Variants in RGS6 observed in about 807,000 individuals in gnomAD.
RGS6 encodes the protein regulator of G-protein signaling 6.
Under a neutral mutation model 78.5 loss-of-function variants are expected in RGS6, and 30 were observed. That is an observed-to-expected ratio of 0.38 (90% CI 0.29 to 0.52). The LOEUF is 0.52. Ranked by LOEUF, RGS6 falls within the 20% of genes least tolerant of loss-of-function variation. The pLI is 0.85. For synonymous variants in RGS6, 206 were observed against 206.0 expected (o/e 1.00, Z 0.00); for missense variants, 495 against 609.7 (o/e 0.81, Z 1.98).
At chr14:72,219,209 C>T (rs891346298) in intron 2 of RGS6, among the ~76,000 whole-genome samples, 3 of 152,020 alleles carry the variant, frequency 2.0e-5, no homozygotes, top group Admixed American at 2.0e-4. Flanking sequence ...TGGGAACATG[C>T]ATGCTGGGTG....
Position 72,342,772 on chromosome 14 carries a change from G to A in RGS6, c.85-9323G>A, listed in dbSNP as rs932827134. 2.9e-5 allele frequency among the ~76,000 whole-genome samples: 4 copies of A among 140,348 alleles called. No homozygotes were observed. The South Asian group carries it at 9.8e-4, about 34-fold the overall frequency. The allele number at this position is 140,348 out of a possible 152,430, so 92.1% of individuals were successfully genotyped here. A position where few individuals can be genotyped will look rare whatever the true frequency, so the allele number is the denominator to read the frequency against. On this transcript the variant is annotated intron_variant, in intron 2 of 17. Transcript: ENST00000553525. ...AAAAGTTCCCAGAAATAACCTCTAAGCCACCCATCTAATTGGTCCCAGAGA... is the reference window on the plus strand; with the variant it reads ...AAAAGTTCCCAGAAATAACCTCTAAACCACCCATCTAATTGGTCCCAGAGA...
At chr14:72,041,279 C>T (rs142844045) in intron 2 of RGS6, among the ~76,000 whole-genome samples, 6 of 152,160 alleles carry the variant, frequency 3.9e-5, no homozygotes, top group Middle Eastern at 3.4e-3. Context: ...AGGGTCTCTG[C>T]GACCTTCTCT....
intron 2 of RGS6, among the ~76,000 whole-genome samples, chr14:71,984,377 G>T (rs1211622486): frequency 6.6e-6 from 1 of 150,482 alleles, no homozygotes; most frequent in Non-Finnish European, 1.5e-5. Context: ...GGGTGTGGTG[G>T]CTTGCATCTG....
At chr14:72,477,305 A>C (rs2096263455) in intron 11 of RGS6, 1 of 155,498 alleles carries the variant, frequency 6.4e-6, no homozygotes, top group Non-Finnish European at 1.4e-5. Flanking sequence ...CATGATGAGC[A>C]GCCCAGGTCA....
At chr14:72,364,413 A>C (rs920775917) in intron 3 of RGS6, among the ~76,000 whole-genome samples, 24 of 152,226 alleles carry the variant, frequency 1.6e-4, no homozygotes, top group African/African-American at 5.8e-4. Context: ...CTGTATCTAC[A>C]TGGGACAGTA....
intron 1 of RGS6, among the ~76,000 whole-genome samples, chr14:71,953,734 A>C (rs2092546813): frequency 6.6e-6 from 1 of 152,168 alleles, no homozygotes; most frequent in Non-Finnish European, 1.5e-5. Flanking sequence ...TGAATAAGAA[A>C]AATACAATAT....
chr14:72,629,473 A>C, the RGS6 span: 1 of 636,050 alleles, frequency 1.6e-6, no homozygotes, highest in Non-Finnish European at 2.7e-6. Context: ...TCAGTCTCTG[A>C]GCCCTCAAGG....
chr14:71,951,709 T>C (rs953978163), intron 1 of RGS6, among the ~76,000 whole-genome samples: 4 of 152,210 alleles, frequency 2.6e-5, no homozygotes, highest in African/African-American at 9.7e-5. Context: ...GTTTTTACAG[T>C]GTTGGCTATT....
At chr14:72,178,242 A>G (rs11845670) in intron 2 of RGS6, among the ~76,000 whole-genome samples, 22,595 of 152,244 alleles carry the variant, frequency 0.15, 1,787 homozygotes, top group South Asian at 0.21. Context: ...TCTTCCAGAC[A>G]TTGCCTAAGG....
At chr14:71,946,609 T>G (rs1288895766) in intron 1 of RGS6, among the ~76,000 whole-genome samples, 1 of 152,120 alleles carries the variant, frequency 6.6e-6, no homozygotes, top group Non-Finnish European at 1.5e-5. Flanking sequence ...TAGGGAGAGA[T>G]GACTTCCTGC....
intron 2 of RGS6, among the ~76,000 whole-genome samples, chr14:72,087,459 A>G (rs1274365233): frequency 2.0e-5 from 3 of 152,004 alleles, no homozygotes; most frequent in African/African-American, 7.2e-5. Flanking sequence ...TACTTTTTTA[A>G]TGGAATGCAA....
At chr14:72,133,606 T>C (rs980039961) in intron 2 of RGS6, among the ~76,000 whole-genome samples, 1 of 152,130 alleles carries the variant, frequency 6.6e-6, no homozygotes, top group Non-Finnish European at 1.5e-5. Flanking sequence ...CTTATACATA[T>C]GCCTTTCCAA....
intron 3 of RGS6, among the ~76,000 whole-genome samples, chr14:72,375,081 CAA>C (rs1393840742): frequency 6.6e-6 from 1 of 152,012 alleles, no homozygotes; most frequent in Non-Finnish European, 1.5e-5. Flanking sequence ...AAGGCAGAAA[CAA>C]ATAATATGAA....
At chr14:71,905,249 C>T in the RGS6 span, among the ~76,000 whole-genome samples, 4 of 152,204 alleles carry the variant, frequency 2.6e-5, no homozygotes, top group Admixed American at 2.6e-4. Flanking sequence ...TTAGCTTTCC[C>T]ATTCATTCAC....
At position 72,149,540 on chromosome 14, in the gene RGS6, GT is replaced by G. The variant is rs373685393; in HGVS notation, c.84+184666del. Reference sequence around the variant, plus strand: ...GAGCATGTATGAAGGGTTATGAACAGTGTGAAATATAGGTTAAAGGAACGTT... The same window carrying G: ...GAGCATGTATGAAGGGTTATGAACAGGTGAAATATAGGTTAAAGGAACGTT... On this transcript the variant is annotated intron_variant, in intron 2 of 17. Transcript: ENST00000553525. Among the ~76,000 whole-genome samples the G allele has an allele frequency of 1.3e-3, 200 of 152,310 alleles. 3 individuals carry two copies. The highest frequency in any genetic ancestry group is 4.7e-3 in the African/African-American group (195 of 41,568).
At chr14:71,988,087 G>C (rs972188847) in intron 2 of RGS6, among the ~76,000 whole-genome samples, 1 of 152,156 alleles carries the variant, frequency 6.6e-6, no homozygotes, top group East Asian at 1.9e-4. Flanking sequence ...ACAAGTGATA[G>C]TGTTGGTGGC....
At position 72,454,445 on chromosome 14, in the gene RGS6, G is replaced by T. The variant is rs929745913; in HGVS notation, c.185-83G>T. On this transcript the variant is annotated intron_variant, in intron 3 of 17. Transcript: ENST00000553525. ...TACAGTGTGGACTGTTTGGAATTAG[G>T]ATTCTCTTAGGTAAACATGTTTCTT... 2.9e-5 allele frequency: 41 copies of T among 1,391,598 alleles called. No individual in the cohort carries two copies. The African/African-American group carries it at 5.4e-4, about 18-fold the overall frequency. 86.2% of individuals were successfully genotyped at this position (1,391,598 alleles called of 1,614,324 possible). A position where few individuals can be genotyped will look rare whatever the true frequency, so the allele number is the denominator to read the frequency against.
chr14:71,924,960 T>A, the RGS6 span, among the ~76,000 whole-genome samples: 3 of 152,242 alleles, frequency 2.0e-5, no homozygotes, highest in Non-Finnish European at 4.4e-5. Flanking sequence ...TGCTGGGTCG[T>A]GTGGCAGTTC....
At chr14:71,992,331 A>G (rs1304598114) in intron 2 of RGS6, among the ~76,000 whole-genome samples, 5 of 152,162 alleles carry the variant, frequency 3.3e-5, no homozygotes, top group East Asian at 1.9e-4. Context: ...ACACTCCACT[A>G]GAATATCATT....
Sources: allele counts gnomAD v4.1 joint callset (sites outside exome capture counted in the v4.1 genomes callset), GRCh38; gene constraint gnomAD v4.1.1; transcripts MANE v1.5; gene names NCBI Gene and HGNC (gene_info 2026-07-23, HGNC 2026-07-21).